CCNH: variants seen among roughly 807,000 people sequenced by gnomAD.
CCNH encodes cyclin H.
Under a neutral mutation model 41.9 loss-of-function variants are expected in CCNH, and 31 were observed. That is an observed-to-expected ratio of 0.74 (90% CI 0.56 to 1.00). CCNH has a LOEUF of 1.00. Among genes scored for constraint, CCNH ranks in the 50% least tolerant of loss-of-function variants. The pLI, the probability that CCNH is intolerant of heterozygous loss-of-function variation, is 0.00. For synonymous variants in CCNH, 138 were observed against 136.1 expected (o/e 1.01, Z -0.10); for missense variants, 362 against 388.4 (o/e 0.93, Z 0.57).
In CCNH at chr5:87,357,574, A is replaced by G. The variant is rs371221768; in HGVS notation, c.*90+35196T>C. ...CAAAAAATTAGCTGGGTGTGGTGACATGCCCCTGTAGTCCCAGCTACTCTG... is the reference window on the plus strand; with the variant it reads ...CAAAAAATTAGCTGGGTGTGGTGACGTGCCCCTGTAGTCCCAGCTACTCTG... On this transcript the variant is annotated intron_variant and NMD_transcript_variant, in intron 9 of 9. Coordinates refer to the CCNH transcript ENST00000645953. Among the ~76,000 whole-genome samples the G allele has an allele frequency of 3.9e-5, 6 of 152,190 alleles. No homozygotes were observed. The East Asian group carries it at 7.7e-4, about 20-fold the overall frequency.
At chr5:87,363,542 C>T in intron 9 of CCNH, 1 of 1,590,410 alleles carries the variant, frequency 6.3e-7, no homozygotes, top group African/African-American at 1.3e-5. Context: ...TCGGAATTGT[C>T]TTAATAATAA....
At chr5:87,386,330 C>T (rs903405624) in intron 9 of CCNH, among the ~76,000 whole-genome samples, 4 of 151,996 alleles carry the variant, frequency 2.6e-5, no homozygotes, top group Admixed American at 6.6e-5. Context: ...CAGTTAACTA[C>T]GTGTATGGCC....
chr5:87,360,022 T>C (rs541987069), intron 9 of CCNH, among the ~76,000 whole-genome samples: 4 of 152,190 alleles, frequency 2.6e-5, no homozygotes, highest in South Asian at 4.1e-4. Context: ...GTAATTACTT[T>C]GGTTCTTCTT....
chr5:87,354,862 T>TA (rs1306221954), intron 9 of CCNH, among the ~76,000 whole-genome samples: 1 of 152,148 alleles, frequency 6.6e-6, no homozygotes, highest in Non-Finnish European at 1.5e-5. Context: ...ATTGCTGATA[T>TA]AGAGAAAATT....
intron 5 of CCNH, among the ~76,000 whole-genome samples, chr5:87,404,239 A>G (rs761001536): frequency 6.6e-6 from 1 of 152,222 alleles, no homozygotes; most frequent in Non-Finnish European, 1.5e-5. Context: ...TAAGTGAAAT[A>G]AAAACTAAAT....
intron 6 of CCNH, among the ~76,000 whole-genome samples, chr5:87,401,375 T>C (rs966528380): frequency 6.6e-6 from 1 of 152,142 alleles, no homozygotes. Flanking sequence ...ACATTATCCT[T>C]AAGTTATTTC....
At chr5:87,347,574 C>G (rs940217103) in intron 9 of CCNH, among the ~76,000 whole-genome samples, 42 of 151,826 alleles carry the variant, frequency 2.8e-4, no homozygotes, top group African/African-American at 9.7e-4. Context: ...GGTGATAACC[C>G]TAATTATAGA....
At chr5:87,372,560 T>G (rs1040110579), downstream of CCNH, among the ~76,000 whole-genome samples, 1 of 152,184 alleles carries the variant, frequency 6.6e-6, no homozygotes, top group Non-Finnish European at 1.5e-5. Context: ...TAAACTTTTT[T>G]GGGATTTTCA....
chr5:87,385,155 C>G, intron 9 of CCNH: 1 of 671,926 alleles, frequency 1.5e-6, no homozygotes, highest in Non-Finnish European at 2.7e-6. Flanking sequence ...TTTCAAAAAA[C>G]ATTTTTCCAA....
At chr5:87,333,311 A>G (rs751624251) in intron 9 of CCNH, 1 of 1,613,426 alleles carries the variant, frequency 6.2e-7, no homozygotes, top group Admixed American at 1.7e-5. Flanking sequence ...TACCTTACAC[A>G]AAAGTACCAG....
intron 9 of CCNH, among the ~76,000 whole-genome samples, chr5:87,383,999 G>A (rs1034091707): frequency 2.0e-5 from 3 of 151,886 alleles, no homozygotes; most frequent in South Asian, 2.1e-4. Flanking sequence ...GTCTGAGATG[G>A]CATGATTACA....
downstream of CCNH, among the ~76,000 whole-genome samples, chr5:87,371,408 T>G (rs1327357790): frequency 6.6e-6 from 1 of 152,104 alleles, no homozygotes; most frequent in Admixed American, 6.6e-5. Flanking sequence ...AATAAAGCAA[T>G]AGTACACAGC....
At chr5:87,375,715 T>C (rs1320778679), downstream of CCNH, among the ~76,000 whole-genome samples, 1 of 152,156 alleles carries the variant, frequency 6.6e-6, no homozygotes, top group Non-Finnish European at 1.5e-5. Context: ...GCTAAAACAG[T>C]TGACAGTGAG....
At chr5:87,377,400 GGCTCACTGC>G (rs1554049531), upstream of CCNH, among the ~76,000 whole-genome samples, 2 of 152,056 alleles carry the variant, frequency 1.3e-5, no homozygotes, top group Non-Finnish European at 2.9e-5. Context: ...GCGCAGTCTC[GGCTCACTGC>G]AACCTCTACC....
intron 5 of CCNH, 147 bp from the exon 6 acceptor site, chr5:87,401,919 T>C: frequency 1.9e-6 from 1 of 515,028 alleles, no homozygotes; most frequent in Non-Finnish European, 3.4e-6. Flanking sequence ...TCCTATATTT[T>C]AAGGATTTAT....
chr5:87,386,728 C>T (rs1762087704), downstream of CCNH: 5 of 986,990 alleles, frequency 5.1e-6, no homozygotes, highest in Admixed American at 1.7e-5. Flanking sequence ...ATAGTAATTG[C>T]AGTTTTTGCT....
chr5:87,383,232 C>A (rs889137260), intron 9 of CCNH, among the ~76,000 whole-genome samples: 1 of 152,148 alleles, frequency 6.6e-6, no homozygotes, highest in African/African-American at 2.4e-5. Context: ...ATCAATGCAA[C>A]CAACTTAGGC....
chr5:87,327,896 C>T (rs780142307), intron 9 of CCNH, among the ~76,000 whole-genome samples: 17 of 150,364 alleles, frequency 1.1e-4, no homozygotes, highest in Non-Finnish European at 2.1e-4. Context: ...ACCCAGGAGG[C>T]GGAGGTTGCA....
chr5:87,348,061 T>C (rs1758989207), intron 9 of CCNH, among the ~76,000 whole-genome samples: 1 of 152,038 alleles, frequency 6.6e-6, no homozygotes, highest in Non-Finnish European at 1.5e-5. Flanking sequence ...ATTCCTATCA[T>C]ATTCTAGAAG....
Sources: gnomAD v4.1 joint callset for allele counts (sites outside exome capture counted in the v4.1 genomes callset) on GRCh38, gnomAD v4.1.1 for gene constraint, MANE v1.5 for transcripts, NCBI Gene and HGNC (gene_info 2026-07-23, HGNC 2026-07-21) for gene names.